Variants in FANCD2 observed in about 807,000 individuals in gnomAD.
The protein encoded by FANCD2 is FA complementation group D2, also known as Fanconi anemia group D2 protein.
Under a neutral mutation model 192.3 loss-of-function variants are expected in FANCD2, and 131 were observed. The observed-to-expected ratio is 0.68, with a 90% CI of 0.59 to 0.79. The LOEUF (loss-of-function observed/expected upper bound fraction) is 0.79, where lower values mean the gene tolerates loss of function less well. Among genes scored for constraint, FANCD2 ranks in the 30% least tolerant of loss-of-function variants. The pLI is 0.00. For missense variants in FANCD2, 1,508 were observed against 1,701.6 expected (o/e 0.89, Z 2.00); for synonymous variants, 524 against 612.5 (o/e 0.86, Z 2.13).
At chr3:10,063,566 A>G (rs1366115261) in intron 20 of FANCD2, among the ~76,000 whole-genome samples, 2 of 152,246 alleles carry the variant, frequency 1.3e-5, no homozygotes, top group East Asian at 1.9e-4. Flanking sequence ...TGGCAAAATC[A>G]AAGGTTTACT....
At chr3:10,039,165 T>G (rs1173514006) in intron 7 of FANCD2, 114 bp from the exon 8 acceptor site, 1 of 691,440 alleles carries the variant, frequency 1.4e-6, no homozygotes, top group African/African-American at 1.8e-5. Flanking sequence ...GAATGCATAG[T>G]AGGTGTTCGG....
chr3:10,042,635 A>C lies in FANCD2; in HGVS notation c.860A>C (p.His287Pro), dbSNP rs1421328346. 1.2e-6 allele frequency: 2 copies of C among 1,613,900 alleles called. No individual in the cohort carries two copies. The highest frequency in any genetic ancestry group is 1.7e-5 in the Admixed American group (1 of 60,008). ...DLPVIIKFIL[H>P]SVTAMDTLEV... is the part of the protein sequence containing the mutation. ...CCTGTGATAATAAAGTTCATTCTTCATTCCGTAACAGCCATGGATACACTT... is the reference window on the plus strand; with the variant it reads ...CCTGTGATAATAAAGTTCATTCTTCCTTCCGTAACAGCCATGGATACACTT... Residue 287 changes from histidine to proline, a missense_variant, in exon 11 of 44, where the codon CAT (histidine) becomes CCT (proline). By Grantham distance (77) the His-to-Pro change is moderately conservative. Transcript: ENST00000675286.
chr3:10,044,059 C>A (rs2086935954), intron 14 of FANCD2, among the ~76,000 whole-genome samples, 195 bp downstream of exon 14: 1 of 152,194 alleles, frequency 6.6e-6, no homozygotes, highest in Non-Finnish European at 1.5e-5. Context: ...TGCCCCTACT[C>A]ACTCTGGCTA....
chr3:10,039,742 CAGCTGATCAGT>C lies in FANCD2; in HGVS notation c.594_604del (p.Gln198HisfsTer9). ...GCAGGACCTCACCACCAAGATCATG[CAGCTGATCAGT>C]ATTGCTCCAGAGAACCTGCAGCATG... On this transcript the variant is annotated frameshift_variant, in exon 9 of 44. Transcript: ENST00000675286. LOFTEE classifies it high-confidence loss of function. 6.2e-7 allele frequency: 1 copy of C among 1,614,064 alleles called. No homozygotes were observed.
At chr3:10,053,077 A>G (rs560885919) in intron 18 of FANCD2, among the ~76,000 whole-genome samples, 1 of 147,232 alleles carries the variant, frequency 6.8e-6, no homozygotes, top group African/African-American at 2.5e-5. Flanking sequence ...ACACATGCAC[A>G]CATATGTTTA....
In FANCD2 at chr3:10,026,538, G is replaced by A. The variant is rs113638061; in HGVS notation, c.-34+65G>A. 3.9e-5 allele frequency: 18 copies of A among 465,958 alleles called. 1 individual carries two copies. The highest frequency in any genetic ancestry group is 3.1e-4 in the African/African-American group (15 of 47,630). The allele number at this position is 465,958 out of a possible 1,614,324, so 28.9% of individuals were successfully genotyped here. A position where few individuals can be genotyped will look rare whatever the true frequency, so the allele number is the denominator to read the frequency against. Reference sequence around the variant, plus strand: ...CGCTCCCCTGCGGCCTAATCTCTAAGTCCGGGCCGCGGTCGGCGTTCTCCT... The same window carrying A: ...CGCTCCCCTGCGGCCTAATCTCTAAATCCGGGCCGCGGTCGGCGTTCTCCT... On this transcript the variant is annotated intron_variant, in intron 1 of 43. Coordinates refer to ENST00000675286, the MANE Select transcript of FANCD2 (RefSeq NM_001018115.3).
chr3:10,047,719 G>A (rs544154130), intron 15 of FANCD2, among the ~76,000 whole-genome samples, 198 bp from the exon 16 acceptor site: 35 of 152,326 alleles, frequency 2.3e-4, no homozygotes, highest in African/African-American at 7.7e-4. Context: ...TTATCCAAAC[G>A]TGGAATCCCA....
intron 15 of FANCD2, among the ~76,000 whole-genome samples, 184 bp downstream of exon 15, chr3:10,046,907 A>G (rs1019649645): frequency 6.6e-6 from 1 of 152,302 alleles, no homozygotes; most frequent in South Asian, 2.1e-4. Flanking sequence ...GGCCTTCCGT[A>G]TCCTATTTAA....
intron 17 of FANCD2, among the ~76,000 whole-genome samples, chr3:10,050,729 C>G (rs1200368355): frequency 1.3e-5 from 2 of 151,570 alleles, no homozygotes; most frequent in African/African-American, 4.9e-5. Context: ...AATGAGAAAC[C>G]TGGAAGATTA....
intron 35 of FANCD2, 106 bp from the exon 36 acceptor site, chr3:10,088,722 T>G: frequency 7.8e-7 from 1 of 1,288,454 alleles, no homozygotes; most frequent in Non-Finnish European, 1.1e-6. Flanking sequence ...TTTTATACTG[T>G]TAGCTAACTG....
At chr3:10,095,624 C>T (rs940421068) in intron 41 of FANCD2, among the ~76,000 whole-genome samples, 1 of 152,242 alleles carries the variant, frequency 6.6e-6, no homozygotes. Context: ...GGCTCTAAAG[C>T]AGCCATCTGT....
Position 10,057,639 on chromosome 3 carries a change from A to G in FANCD2, c.1657-2655A>G, listed in dbSNP as rs36037541. ...CAGCCCCTCAAAGTGCTGTGATTAC[A>G]GGCATGAGCTACTGCTCCCGGCCTC... On this transcript the variant is annotated intron_variant, in intron 18 of 43. Coordinates refer to ENST00000675286, the MANE Select transcript of FANCD2 (RefSeq NM_001018115.3). 3.1e-3 allele frequency among the ~76,000 whole-genome samples: 473 copies of G among 152,334 alleles called. 10 individuals are homozygous for G. The South Asian group carries it at 0.035, about 11-fold the overall frequency.
At position 10,060,323 on chromosome 3, in the gene FANCD2, GCT is replaced by G; in HGVS notation, c.1691_1692del (p.Ser564Ter). 6.2e-7 allele frequency: 1 copy of G among 1,612,676 alleles called. No individual in the cohort carries two copies. The highest frequency in any genetic ancestry group is 8.5e-7 in the Non-Finnish European group (1 of 1,179,862). Reference sequence around the variant, plus strand: ...ACATGCACTTGGTGATAAGAAAGCAGCTCTCTAGCACCGTATTCAAGTACAAG... The same window carrying G: ...ACATGCACTTGGTGATAAGAAAGCAGCTCTAGCACCGTATTCAAGTACAAG... ...DDMHLVIRKQ[L>X]SSTVFKYKLI... On this transcript the variant is annotated frameshift_variant, in exon 19 of 44. Coordinates refer to ENST00000675286, the MANE Select transcript of FANCD2 (RefSeq NM_001018115.3). LOFTEE classifies it high-confidence loss of function.
At chr3:10,097,848 G>A (rs575510044) in intron 42 of FANCD2, among the ~76,000 whole-genome samples, 1 of 152,302 alleles carries the variant, frequency 6.6e-6, no homozygotes, top group East Asian at 1.9e-4. Context: ...AATTACAAAA[G>A]TATTAATTTG....
chr3:10,082,948 C>T (rs1005112248), intron 32 of FANCD2, among the ~76,000 whole-genome samples: 4 of 152,154 alleles, frequency 2.6e-5, no homozygotes, highest in African/African-American at 7.2e-5. Context: ...TGAAAGGGGC[C>T]TGACATCGTG....
At chr3:10,043,619 A>C (rs189978498) in intron 13 of FANCD2, 27 bp downstream of exon 13, 30 of 1,555,608 alleles carry the variant, frequency 1.9e-5, no homozygotes, top group African/African-American at 4.1e-5. Flanking sequence ...TTTGATTATC[A>C]AGGAGGAAAT....
intron 18 of FANCD2, among the ~76,000 whole-genome samples, chr3:10,054,884 C>T (rs1356198691): frequency 6.6e-6 from 1 of 151,028 alleles, no homozygotes; most frequent in Non-Finnish European, 1.5e-5. Context: ...AGGTAATATA[C>T]ATGTGTCATA....
intron 26 of FANCD2, 131 bp from the exon 27 acceptor site, chr3:10,072,740 T>C (rs998675606): frequency 4.3e-6 from 3 of 690,992 alleles, no homozygotes; most frequent in African/African-American, 3.5e-5. Flanking sequence ...GACTTGAATA[T>C]GTCTTATAAG....
At chr3:10,069,165 AAAGTT>A (rs1459704721) in intron 26 of FANCD2, among the ~76,000 whole-genome samples, 1 of 152,218 alleles carries the variant, frequency 6.6e-6, no homozygotes, top group Non-Finnish European at 1.5e-5. Context: ...ATTAAGTTAA[AAAGTT>A]AAGTTCCTTT....
Sources: allele counts gnomAD v4.1 joint callset (sites outside exome capture counted in the v4.1 genomes callset), GRCh38; gene constraint gnomAD v4.1.1; transcripts MANE v1.5; gene names NCBI Gene and HGNC (gene_info 2026-07-23, HGNC 2026-07-21).